SPINK9: variants seen among roughly 807,000 people sequenced by gnomAD.
SPINK9 encodes the protein serine protease inhibitor Kazal-type 9.
SPINK9 carries 3 observed loss-of-function variants against 10.8 expected under a neutral mutation model. The observed-to-expected ratio is 0.28, with a 90% confidence interval of 0.13 to 0.72. SPINK9 has a LOEUF of 0.72. Among genes scored for constraint, SPINK9 ranks in the 30% least tolerant of loss-of-function variants. The pLI, the probability that SPINK9 is intolerant of heterozygous loss-of-function variation, is 0.74. For synonymous variants in SPINK9, 30 were observed against 31.2 expected, an observed-to-expected ratio of 0.96 and a Z score of 0.12; for missense variants, 101 against 103.2, an observed-to-expected ratio of 0.98 and a Z score of 0.09.
chr5:148,338,945 G>A (rs1377630721), intron 3 of SPINK9, among the ~76,000 whole-genome samples: 2 of 152,142 alleles, frequency 1.3e-5, no homozygotes, highest in East Asian at 1.9e-4. Flanking sequence ...CCAGGGTCAA[G>A]GAGTATCCTC....
upstream of SPINK9, among the ~76,000 whole-genome samples, chr5:148,331,715 A>G (rs1459976002): frequency 6.6e-6 from 1 of 152,238 alleles, no homozygotes; most frequent in Admixed American, 6.5e-5. Context: ...CCATCAAAAC[A>G]TCACATTGTA....
chr5:148,329,472 A>AT (rs1266362049), intron 2 of SPINK9, among the ~76,000 whole-genome samples: 1 of 152,042 alleles, frequency 6.6e-6, no homozygotes, highest in African/African-American at 2.4e-5. Flanking sequence ...GGATTCACTG[A>AT]TTTTTTGAAG....
upstream of SPINK9, among the ~76,000 whole-genome samples, chr5:148,334,158 T>C (rs748726043): frequency 6.6e-6 from 1 of 151,724 alleles, no homozygotes; most frequent in African/African-American, 2.4e-5. Flanking sequence ...AAAGACCTAA[T>C]AGGATTCTTA....
upstream of SPINK9, among the ~76,000 whole-genome samples, chr5:148,333,051 T>C (rs1272177557): frequency 6.6e-6 from 1 of 152,098 alleles, no homozygotes; most frequent in Non-Finnish European, 1.5e-5. Context: ...TTTATCACAG[T>C]CCGGATTTTG....
chr5:148,337,436 C>T (rs1757231704), intron 2 of SPINK9, among the ~76,000 whole-genome samples: 1 of 152,138 alleles, frequency 6.6e-6, no homozygotes, highest in East Asian at 1.9e-4. Context: ...TAATGAAGCA[C>T]ATCTGGAGGG....
At chr5:148,336,400 C>T in intron 1 of SPINK9, 22 bp from the exon 2 acceptor site, 3 of 1,612,974 alleles carry the variant, frequency 1.9e-6, no homozygotes, top group Non-Finnish European at 2.5e-6. Context: ...TTAATATTGC[C>T]TTGTCTTTGT....
At chr5:148,335,141 A>T (rs1757199969), upstream of SPINK9, among the ~76,000 whole-genome samples, 1 of 152,216 alleles carries the variant, frequency 6.6e-6, no homozygotes, top group Admixed American at 6.5e-5. Flanking sequence ...GAGTTTTCTC[A>T]TAGTCACTCT....
chr5:148,322,367 C>T (rs924079599), intron 1 of SPINK9, among the ~76,000 whole-genome samples: 2 of 152,124 alleles, frequency 1.3e-5, no homozygotes, highest in Non-Finnish European at 2.9e-5. Context: ...ATCAATGGAA[C>T]AATGATATAG....
At chr5:148,331,282 A>T (rs1377182444), upstream of SPINK9, among the ~76,000 whole-genome samples, 3 of 152,378 alleles carry the variant, frequency 2.0e-5, no homozygotes, top group East Asian at 1.9e-4. Context: ...ATGGAATATT[A>T]TTCAGCCTTA....
intron 1 of SPINK9, among the ~76,000 whole-genome samples, chr5:148,335,883 G>A (rs1311362361): frequency 6.6e-6 from 1 of 152,190 alleles, no homozygotes; most frequent in African/African-American, 2.4e-5. Flanking sequence ...GCTTATTCAT[G>A]AGAATACTTT....
In SPINK9 at chr5:148,338,603, T is replaced by A; in HGVS notation, c.213T>A (p.Val71=). 1 of 1,568,754 alleles carries A rather than the reference T, an allele frequency of 6.4e-7. No homozygotes were observed. The change falls in exon 3 of 4, where the codon GTT becomes GTA. Residue 71 remains valine (V), a splice_region_variant and synonymous_variant. Coordinates refer to ENST00000377906, the MANE Select transcript of SPINK9 (RefSeq NM_001040433.2). The part of the protein sequence containing the change: ...YKNDCFFCSK[V]KKTDGTLKFV... ...ATGATTGCTTCTTCTGTTCTAAAGT[T>A]AAGTAAGTATTAAAATGTTTTCTTT...
At chr5:148,328,756 A>G (rs1342137248) in intron 2 of SPINK9, among the ~76,000 whole-genome samples, 2 of 152,184 alleles carry the variant, frequency 1.3e-5, no homozygotes, top group African/African-American at 4.8e-5. Context: ...ATCTATTGAG[A>G]TAATCATGTG....
intron 2 of SPINK9, among the ~76,000 whole-genome samples, chr5:148,337,969 G>C (rs1757238718): frequency 6.6e-6 from 1 of 152,090 alleles, no homozygotes; most frequent in Non-Finnish European, 1.5e-5. Flanking sequence ...TCATCTATGT[G>C]CTGGTGAAGT....
At chr5:148,333,356 G>A (rs930866573), upstream of SPINK9, among the ~76,000 whole-genome samples, 4 of 152,264 alleles carry the variant, frequency 2.6e-5, no homozygotes, top group African/African-American at 9.6e-5. Context: ...AGGGCGAGCT[G>A]ATGGTGTTAC....
At chr5:148,338,775 C>T (rs1186954196) in intron 3 of SPINK9, among the ~76,000 whole-genome samples, 170 bp downstream of exon 3, 1 of 152,056 alleles carries the variant, frequency 6.6e-6, no homozygotes, top group African/African-American at 2.4e-5. Context: ...CACAATATCC[C>T]CACATATTCT....
Position 148,324,326 on chromosome 5 carries a change from C to A in SPINK9, c.118+458C>A, listed in dbSNP as rs549233826. On this transcript the variant is annotated intron_variant, in intron 2 of 4. Transcript: ENST00000511717. ...TGAGCTCAATAGTATGGGTTTGCAA[C>A]ATAAAATGAGATATTTACATAATCT... 1.1e-3 allele frequency among the ~76,000 whole-genome samples: 162 copies of A among 152,096 alleles called. 2 individuals are homozygous for A. The Middle Eastern group carries it at 0.017, about 16-fold the overall frequency.
chr5:148,327,725 G>A lies in SPINK9; in HGVS notation c.118+3857G>A, dbSNP rs531740545. Among the ~76,000 whole-genome samples the A allele has an allele frequency of 2.8e-3, 420 of 151,212 alleles. 1 individual carries two copies. Among genetic ancestry groups the A allele is most frequent in the Middle Eastern group, 0.014 (4 of 292 alleles). On this transcript the variant is annotated intron_variant, in intron 2 of 4. Transcript: ENST00000511717. ...ATCCAGTTTCAGCTTTCTACATATG[G>A]CTAGCCAGTTTTCCCAGCACCATTT...
chr5:148,335,142 T>C (rs1322518005), upstream of SPINK9, among the ~76,000 whole-genome samples: 3 of 152,224 alleles, frequency 2.0e-5, no homozygotes, highest in Admixed American at 6.5e-5. Flanking sequence ...AGTTTTCTCA[T>C]AGTCACTCTA....
chr5:148,334,002 G>T (rs963833318), upstream of SPINK9, among the ~76,000 whole-genome samples: 26 of 151,980 alleles, frequency 1.7e-4, no homozygotes, highest in African/African-American at 6.3e-4. Flanking sequence ...TAATATAATA[G>T]AATTATTATA....
Sources: allele counts gnomAD v4.1 joint callset (sites outside exome capture counted in the v4.1 genomes callset), GRCh38; gene constraint gnomAD v4.1.1; transcripts MANE v1.5; gene names NCBI Gene and HGNC (gene_info 2026-07-23, HGNC 2026-07-21).